KIAA0825: variants seen among roughly 807,000 people sequenced by gnomAD.
The protein encoded by KIAA0825 is uncharacterized protein KIAA0825.
Under a neutral mutation model 147.6 loss-of-function variants are expected in KIAA0825, and 119 were observed. The observed-to-expected ratio is 0.81, with a 90% CI of 0.69 to 0.94. The LOEUF is 0.94. KIAA0825 is among the 40% of genes least tolerant of loss of function. The pLI is 0.00. For synonymous variants in KIAA0825, 470 were observed against 518.1 expected (o/e 0.91, Z 1.26); for missense variants, 1,381 against 1,472.7 (o/e 0.94, Z 1.02).
chr5:94,448,176 G>A (rs1757965166), intron 13 of KIAA0825, among the ~76,000 whole-genome samples: 1 of 150,512 alleles, frequency 6.6e-6, no homozygotes, highest in East Asian at 1.9e-4. Flanking sequence ...GTATGAAACT[G>A]ATTATCCTTT....
At chr5:94,385,166 C>A (rs1748967660) in intron 19 of KIAA0825, among the ~76,000 whole-genome samples, 1 of 152,122 alleles carries the variant, frequency 6.6e-6, no homozygotes, top group African/African-American at 2.4e-5. Flanking sequence ...ATGCACAACA[C>A]AGAAAAGCAG....
At chr5:94,223,116 CCA>C (rs1486418826) in intron 20 of KIAA0825, among the ~76,000 whole-genome samples, 1 of 152,162 alleles carries the variant, frequency 6.6e-6, no homozygotes, top group Non-Finnish European at 1.5e-5. Context: ...ACTACCTCTT[CCA>C]AAAAATTACA....
chr5:94,473,496 C>T lies in KIAA0825; in HGVS notation c.1251G>A (p.Trp417Ter), dbSNP rs1480978819. 6.4e-7 allele frequency: 1 copy of T among 1,551,392 alleles called. No homozygotes were observed. Among genetic ancestry groups the T allele is most frequent in the African/African-American group, 1.4e-5 (1 of 73,158 alleles). The change falls in exon 8 of 21, where the codon TGG (tryptophan) becomes TGA (stop). Residue 417 changes from tryptophan to a stop codon, truncating the protein, a stop_gained. Coordinates refer to ENST00000682413, the MANE Select transcript of KIAA0825 (RefSeq NM_001145678.3). LOFTEE classifies it high-confidence loss of function. Reference sequence around the variant, plus strand: ...GAGACACTTCTTTAAATGCACTTCTCCAGCCAAAATCTAGTAAGGTAGCCT... The same window carrying T: ...GAGACACTTCTTTAAATGCACTTCTTCAGCCAAAATCTAGTAAGGTAGCCT... Reference protein sequence around the residue: ...GKEATLLDFGWRSAFKEVSLP... With the variant: ...GKEATLLDFG
At chr5:94,533,455 T>A (rs906745499) in intron 3 of KIAA0825, among the ~76,000 whole-genome samples, 1 of 151,654 alleles carries the variant, frequency 6.6e-6, no homozygotes, top group African/African-American at 2.4e-5. Flanking sequence ...TTTTGTATTC[T>A]TAGTAGAGAC....
chr5:94,539,801 G>T (rs1393850971), intron 2 of KIAA0825, among the ~76,000 whole-genome samples: 2 of 152,062 alleles, frequency 1.3e-5, no homozygotes, highest in Admixed American at 6.6e-5. Context: ...AAGATTTAGG[G>T]GTTAGAGGCC....
intron 1 of KIAA0825, among the ~76,000 whole-genome samples, chr5:94,617,496 A>G (rs1790852772): frequency 6.6e-6 from 1 of 152,158 alleles, no homozygotes; most frequent in Non-Finnish European, 1.5e-5. Flanking sequence ...TGCTCCGATA[A>G]AGAAAATGTT....
chr5:94,483,157 C>A (rs1306554281), intron 6 of KIAA0825, among the ~76,000 whole-genome samples: 2 of 151,886 alleles, frequency 1.3e-5, no homozygotes, highest in African/African-American at 4.8e-5. Flanking sequence ...AATTCTTGGC[C>A]ATTTCAGTGT....
At chr5:94,477,836 T>A (rs951162378) in intron 6 of KIAA0825, among the ~76,000 whole-genome samples, 2 of 152,124 alleles carry the variant, frequency 1.3e-5, no homozygotes, top group Admixed American at 6.6e-5. Context: ...GGAAAAAAAA[T>A]TTGATCTATA....
chr5:94,500,552 G>A (rs1764946305), intron 5 of KIAA0825, among the ~76,000 whole-genome samples: 1 of 152,036 alleles, frequency 6.6e-6, no homozygotes, highest in Admixed American at 6.5e-5. Flanking sequence ...GGGGATCCAG[G>A]GAATGGTGAG....
At chr5:94,429,629 G>A (rs1304695835) in intron 14 of KIAA0825, among the ~76,000 whole-genome samples, 4 of 152,164 alleles carry the variant, frequency 2.6e-5, no homozygotes, top group African/African-American at 4.8e-5. Context: ...GGGTTGATTC[G>A]TGAGATGTAC....
At chr5:94,188,067 A>G (rs1456231982) in intron 20 of KIAA0825, among the ~76,000 whole-genome samples, 2 of 152,160 alleles carry the variant, frequency 1.3e-5, no homozygotes, top group East Asian at 3.9e-4. Context: ...TCTTTCCACC[A>G]TGGGAGGAGA....
intron 20 of KIAA0825, among the ~76,000 whole-genome samples, chr5:94,369,636 T>C (rs965637972): frequency 1.3e-5 from 2 of 152,134 alleles, no homozygotes; most frequent in African/African-American, 4.8e-5. Flanking sequence ...TAAATGTAAC[T>C]GGGGCCTGAG....
chr5:94,496,208 G>A (rs1238415563), intron 5 of KIAA0825, among the ~76,000 whole-genome samples: 1 of 152,050 alleles, frequency 6.6e-6, no homozygotes. Context: ...CTTTGTAAAC[G>A]GATGGAGAAA....
chr5:94,222,127 A>G (rs1266024012), intron 20 of KIAA0825, among the ~76,000 whole-genome samples: 1 of 152,194 alleles, frequency 6.6e-6, no homozygotes, highest in East Asian at 1.9e-4. Flanking sequence ...CACCGATTAT[A>G]ACCACTAAAC....
At chr5:94,616,880 G>A (rs1790660605) in intron 1 of KIAA0825, among the ~76,000 whole-genome samples, 1 of 151,994 alleles carries the variant, frequency 6.6e-6, no homozygotes, top group Admixed American at 6.5e-5. Flanking sequence ...ATTTTTACCT[G>A]GAGTGAAAAT....
chr5:94,443,201 C>T (rs1217151084), intron 13 of KIAA0825, among the ~76,000 whole-genome samples: 1 of 152,064 alleles, frequency 6.6e-6, no homozygotes, highest in Non-Finnish European at 1.5e-5. Context: ...ATTCTTCAAT[C>T]ACCAAGCTCT....
intron 20 of KIAA0825, among the ~76,000 whole-genome samples, chr5:94,372,860 T>A (rs1746928201): frequency 6.6e-6 from 1 of 152,212 alleles, no homozygotes; most frequent in Admixed American, 6.5e-5. Context: ...CAAACCTTTA[T>A]GTTCTGCTTC....
rs537358791 is a variant in KIAA0825 at position 94,515,749 on chromosome 5, G to A, written c.970+4499C>T. 3.4e-5 allele frequency among the ~76,000 whole-genome samples: 5 copies of A among 146,384 alleles called. No individual in the cohort carries two copies. In the East Asian group the frequency reaches 7.8e-4, roughly 23 times the overall value. On this transcript the variant is annotated intron_variant, in intron 5 of 20. Transcript: ENST00000682413. ...GGAGGTTGCAGTGAGCCGAGATTGCGCCATTGCACTCCAGCCTGGGCAACA... is the reference window on the plus strand; with the variant it reads ...GGAGGTTGCAGTGAGCCGAGATTGCACCATTGCACTCCAGCCTGGGCAACA...
chr5:94,557,308 G>A (rs1776719213), intron 2 of KIAA0825, among the ~76,000 whole-genome samples: 1 of 151,878 alleles, frequency 6.6e-6, no homozygotes, highest in African/African-American at 2.4e-5. Flanking sequence ...TTGCCATGTT[G>A]CCCAGGCTGC....
Sources: allele counts gnomAD v4.1 joint callset (sites outside exome capture counted in the v4.1 genomes callset), GRCh38; gene constraint gnomAD v4.1.1; transcripts MANE v1.5; gene names NCBI Gene and HGNC (gene_info 2026-07-23, HGNC 2026-07-21).